Variants in FAT3 observed in about 807,000 individuals in gnomAD.
FAT3 encodes the protein FAT atypical cadherin 3, also known as protocadherin Fat 3.
FAT3 carries 95 observed loss-of-function variants against 310.2 expected under a neutral mutation model. The ratio of observed to expected loss-of-function variants is 0.31; its 90% CI spans 0.26 to 0.36. FAT3 has a LOEUF of 0.36. Ranked by LOEUF, FAT3 falls within the 10% of genes least tolerant of loss-of-function variation. The pLI, the probability that FAT3 is intolerant of heterozygous loss-of-function variation, is 1.00. For missense variants in FAT3, 5,408 were observed against 5,715.6 expected (o/e 0.95, Z 1.74); for synonymous variants, 2,314 against 2,192.9 (o/e 1.06, Z -1.54).
At chr11:92,632,592 G>A (rs1016631040) in intron 3 of FAT3, among the ~76,000 whole-genome samples, 1 of 152,176 alleles carries the variant, frequency 6.6e-6, no homozygotes, top group African/African-American at 2.4e-5. Flanking sequence ...GCCTCCTTGG[G>A]GCCAGGTCCT....
intron 4 of FAT3, among the ~76,000 whole-genome samples, chr11:92,735,216 G>A (rs184937142): frequency 1.1e-3 from 166 of 152,240 alleles, no homozygotes; most frequent in African/African-American, 3.9e-3. Flanking sequence ...GACACTTTGG[G>A]AAGTAGCATT....
chr11:92,805,767 C>T (rs1243987044), intron 11 of FAT3, among the ~76,000 whole-genome samples: 1 of 152,120 alleles, frequency 6.6e-6, no homozygotes, highest in East Asian at 1.9e-4. Context: ...CTCCAGGCTC[C>T]TTATGAAGTG....
Position 92,765,092 on chromosome 11 carries a change from A to G in FAT3, c.4195+3A>G, listed in dbSNP as rs779159098. 1 of 1,612,674 alleles carries G rather than the reference A, an allele frequency of 6.2e-7. No individual in the cohort carries two copies. The highest frequency in any genetic ancestry group is 1.7e-5 in the Admixed American group (1 of 59,956). ...CCCTCTGTGGTTTGACATAGTTGGT[A>G]AGTTCGAGTCTTACAGAGCAGTATC... On this transcript the variant is annotated splice_donor_region_variant and intron_variant, in intron 6 of 27. Transcript: ENST00000525166.
At chr11:92,807,113 G>T (rs1356144418) in intron 12 of FAT3, among the ~76,000 whole-genome samples, 1 of 152,092 alleles carries the variant, frequency 6.6e-6, no homozygotes, top group Non-Finnish European at 1.5e-5. Context: ...TATTTGATGA[G>T]ATTTCTATGG....
At position 92,801,194 on chromosome 11, in the gene FAT3, G is replaced by A. The variant is rs766196581; in HGVS notation, c.8181G>A (p.Val2727=). The A allele has an allele frequency of 5.9e-5, 95 of 1,613,670 alleles. 3 individuals are homozygous for A. In the South Asian group the frequency reaches 1.0e-3, roughly 17 times the overall value. Residue 2727 remains valine (V), a synonymous_variant, in exon 10 of 28, where the codon GTG becomes GTA. Coordinates refer to ENST00000525166, the MANE Select transcript of FAT3 (RefSeq NM_001367949.2). ...IAEDTAIGST[V]DTLRILPSQN... ...AAGATACAGCCATTGGGAGTACAGT[G>A]GACACCCTGAGGATTTTGCCCAGTC...
At chr11:92,855,980 CT>C (rs58995060) in intron 19 of FAT3, among the ~76,000 whole-genome samples, 2,603 of 129,164 alleles carry the variant, frequency 0.02, 65 homozygotes, top group African/African-American at 0.064. Flanking sequence ...GGACAATATG[CT>C]TTTTTTTTTT....
intron 3 of FAT3, among the ~76,000 whole-genome samples, chr11:92,556,703 C>T (rs1955033335): frequency 6.6e-6 from 1 of 152,158 alleles, no homozygotes; most frequent in Non-Finnish European, 1.5e-5. Flanking sequence ...CATGCTGTAA[C>T]TCTGGGTCCC....
rs1442980145 is a variant in FAT3 at position 92,343,829 on chromosome 11, G to T, written c.-17-8267G>T. On this transcript the variant is annotated intron_variant, in intron 1 of 27. Transcript: ENST00000525166. ...ATGGTGTAGGAGGAAGGAGAATAAT[G>T]AAAGTCTTCAGAATCTTGGGATTGA... is the stretch of plus-strand genomic sequence containing the variant. Among the ~76,000 whole-genome samples the T allele has an allele frequency of 5.3e-5, 8 of 152,210 alleles. No individual in the cohort carries two copies. The East Asian group carries it at 1.5e-3, about 29-fold the overall frequency.
At chr11:92,466,242 A>G (rs1298801278) in intron 2 of FAT3, among the ~76,000 whole-genome samples, 1 of 152,164 alleles carries the variant, frequency 6.6e-6, no homozygotes, top group Non-Finnish European at 1.5e-5. Context: ...GTCTCCAAAT[A>G]TATATTATGA....
chr11:92,342,898 T>G (rs1565240281), intron 1 of FAT3, among the ~76,000 whole-genome samples: 1 of 152,100 alleles, frequency 6.6e-6, no homozygotes, highest in Admixed American at 6.6e-5. Context: ...TTTTCTCTTA[T>G]ACCATGATGA....
chr11:92,323,458 G>C (rs142578683), intron 1 of FAT3, among the ~76,000 whole-genome samples: 11 of 152,002 alleles, frequency 7.2e-5, no homozygotes, highest in Non-Finnish European at 1.6e-4. Context: ...TTTCTATGTT[G>C]CCCAGGCTGG....
rs546649785 is a variant in FAT3 at position 92,707,850 on chromosome 11, T to C, written c.3669+10405T>C. ...GTGTTTGACCCAGTTGAGGACTTCA[T>C]ATCTGTCTGTGGGAAAATTTAAAAT... On this transcript the variant is annotated intron_variant, in intron 4 of 27. Coordinates refer to ENST00000525166, the MANE Select transcript of FAT3 (RefSeq NM_001367949.2). Among the ~76,000 whole-genome samples the C allele has an allele frequency of 2.3e-4, 35 of 152,334 alleles. 1 individual carries two copies. The highest frequency in any genetic ancestry group is 2.2e-3 in the Admixed American group (33 of 15,296).
chr11:92,617,049 C>A (rs1746862225), intron 3 of FAT3, among the ~76,000 whole-genome samples: 1 of 152,178 alleles, frequency 6.6e-6, no homozygotes, highest in African/African-American at 2.4e-5. Flanking sequence ...GGAAGTTCTC[C>A]TGGATAATAT....
intron 4 of FAT3, chr11:92,749,119 G>A (rs750823827): frequency 2.0e-5 from 3 of 152,176 alleles, no homozygotes; most frequent in Non-Finnish European, 1.5e-5. Context: ...ATCTTGAAAG[G>A]TTTAAGTATT....
At chr11:92,368,943 CTGT>C (rs1217298486) in intron 2 of FAT3, among the ~76,000 whole-genome samples, 7 of 150,762 alleles carry the variant, frequency 4.6e-5, no homozygotes, top group Admixed American at 3.3e-4. Flanking sequence ...TATATATATA[CTGT>C]TGTTAGCCAT....
intron 5 of FAT3, 142 bp downstream of exon 5, chr11:92,762,312 G>GAGTTCTCACC: frequency 1.3e-6 from 1 of 773,710 alleles, no homozygotes; most frequent in Non-Finnish European, 2.0e-6. Context: ...TGGGAGGCAA[G>GAGTTCTCACC]TGCAGGTGAG....
At chr11:92,370,063 G>A (rs1277575626) in intron 2 of FAT3, among the ~76,000 whole-genome samples, 2 of 152,152 alleles carry the variant, frequency 1.3e-5, no homozygotes, top group Non-Finnish European at 2.9e-5. Context: ...CTGTCCCAGA[G>A]TTCTTTCACT....
At chr11:92,650,653 G>T (rs754414353) in intron 3 of FAT3, among the ~76,000 whole-genome samples, 3 of 152,116 alleles carry the variant, frequency 2.0e-5, no homozygotes, top group Non-Finnish European at 4.4e-5. Flanking sequence ...TGAAGTCATT[G>T]AACATGGAAT....
Position 92,880,824 on chromosome 11 carries a change from C to G in FAT3, c.12221C>G (p.Ser4074Cys), listed in dbSNP as rs1323951694. 2 of 1,613,932 alleles carry G rather than the reference C, an allele frequency of 1.2e-6. No individual in the cohort carries two copies. The highest frequency in any genetic ancestry group is 8.5e-7 in the Non-Finnish European group (1 of 1,179,874). The change falls in exon 23 of 28, where the codon TCC becomes TGC. Residue 4074 changes from serine to cysteine, a missense_variant. Physicochemically the swap from Ser to Cys is moderately radical, Grantham distance 112. This residue lies in a region of FAT3 where 649 missense variants were observed against 666.2 expected (regional missense o/e 0.97). Coordinates refer to ENST00000525166, the MANE Select transcript of FAT3 (RefSeq NM_001367949.2). ...CCAAACCCCTGCCGGAATGGAGGAT[C>G]CTGCGATCCAATAGGAAACACTTTC... is the stretch of plus-strand genomic sequence containing the variant. ...CFPNPCRNGG[S>C]CDPIGNTFIC... is the part of the protein sequence containing the mutation.
Sources: gnomAD v4.1 joint callset for allele counts (sites outside exome capture counted in the v4.1 genomes callset) on GRCh38, gnomAD v4.1.1 for gene constraint, gnomAD v4.1.1 regional missense constraint, MANE v1.5 for transcripts, NCBI Gene and HGNC (gene_info 2026-07-23, HGNC 2026-07-21) for gene names.